Variants in HSPBAP1 observed in about 807,000 individuals in gnomAD.
HSPBAP1 encodes HSPB1-associated protein 1.
Under a neutral mutation model 45.2 loss-of-function variants are expected in HSPBAP1, and 27 were observed. The ratio of observed to expected loss-of-function variants is 0.60; its 90% confidence interval spans 0.44 to 0.82. The LOEUF is 0.82. Among genes scored for constraint, HSPBAP1 ranks in the 40% least tolerant of loss-of-function variants. HSPBAP1 has a pLI of 0.00. For synonymous variants in HSPBAP1, 204 were observed against 202.7 expected (o/e 1.01, Z -0.06); for missense variants, 510 against 590.9 (o/e 0.86, Z 1.42).
intron 1 of HSPBAP1, among the ~76,000 whole-genome samples, chr3:122,781,681 T>C (rs1383087384): frequency 6.6e-6 from 1 of 152,216 alleles, no homozygotes; most frequent in Non-Finnish European, 1.5e-5. Flanking sequence ...TGTCTGTGTG[T>C]ACTTGATGTT....
chr3:122,751,730 C>T (rs773583994), intron 6 of HSPBAP1, among the ~76,000 whole-genome samples: 1 of 152,092 alleles, frequency 6.6e-6, no homozygotes, highest in Admixed American at 6.5e-5. Flanking sequence ...ATGCTATAGG[C>T]GAAATTTCTG....
intron 6 of HSPBAP1, among the ~76,000 whole-genome samples, chr3:122,747,775 G>A (rs1356146232): frequency 3.4e-5 from 5 of 148,106 alleles, no homozygotes; most frequent in Non-Finnish European, 6.0e-5. Flanking sequence ...TCAGCCCCCC[G>A]CCCGGCCAGC....
rs917715541 is a variant in HSPBAP1, at chr3:122,755,489, T to C, written c.570-58A>G. The C allele has an allele frequency of 2.0e-5, 25 of 1,228,486 alleles. No individual in the cohort carries two copies. The African/African-American group carries it at 2.7e-4, about 13-fold the overall frequency. The allele number at this position is 1,228,486 out of a possible 1,614,324, so 76.1% of individuals were successfully genotyped here. On this transcript the variant is annotated intron_variant, in intron 4 of 7. Transcript: ENST00000306103. ...AGTACTCTGACCTTAAGACAAAACA[T>C]GGAAGAAGACAAAAGCTAAGTGTTC...
chr3:122,778,446 C>T (rs1443709898), intron 1 of HSPBAP1, among the ~76,000 whole-genome samples: 1 of 151,616 alleles, frequency 6.6e-6, no homozygotes, highest in East Asian at 1.9e-4. Flanking sequence ...AACCGTCAAG[C>T]TAGACATTTT....
intron 1 of HSPBAP1, among the ~76,000 whole-genome samples, chr3:122,783,251 C>T (rs532603004): frequency 1.3e-5 from 2 of 152,212 alleles, no homozygotes; most frequent in South Asian, 2.1e-4. Flanking sequence ...TGCTGCTTGT[C>T]GTGTTTTTCA....
chr3:122,755,197 A>ACCC lies in HSPBAP1; in HGVS notation c.741+62_741+63insGGG, dbSNP rs1934303022. Reference sequence around the variant, plus strand: ...GGGAGGGGAAGCACACAGCATAAGGACTTGAGAGAGTTACAGCTGTGGTGT... The same window carrying ACCC: ...GGGAGGGGAAGCACACAGCATAAGGACCCCTTGAGAGAGTTACAGCTGTGGTGT... On this transcript the variant is annotated intron_variant, in intron 5 of 7. Coordinates refer to ENST00000306103, the MANE Select transcript of HSPBAP1 (RefSeq NM_024610.6). 2.2e-6 allele frequency: 3 copies of ACCC among 1,358,816 alleles called. No individual in the cohort carries two copies. The African/African-American group carries it at 4.5e-5, about 20-fold the overall frequency. 84.2% of individuals were successfully genotyped at this position (1,358,816 alleles called of 1,614,324 possible). A position where few individuals can be genotyped will look rare whatever the true frequency, so the allele number is the denominator to read the frequency against.
chr3:122,784,632 AG>A (rs1219536437), intron 1 of HSPBAP1, among the ~76,000 whole-genome samples: 1 of 152,226 alleles, frequency 6.6e-6, no homozygotes, highest in Non-Finnish European at 1.5e-5. Flanking sequence ...CCTGAACAAC[AG>A]GGGTGGCAGT....
intron 1 of HSPBAP1, among the ~76,000 whole-genome samples, chr3:122,789,376 T>C (rs1560173978): frequency 6.6e-6 from 1 of 152,228 alleles, no homozygotes; most frequent in Non-Finnish European, 1.5e-5. Flanking sequence ...GTTTGAAAGA[T>C]AGAATCACAC....
intron 6 of HSPBAP1, among the ~76,000 whole-genome samples, chr3:122,746,369 G>T (rs1447399222): frequency 7.1e-6 from 1 of 140,762 alleles, no homozygotes; most frequent in South Asian, 2.2e-4. Context: ...GGCAAGAATA[G>T]CCAGAAAAAC....
intron 6 of HSPBAP1, chr3:122,741,557 A>T (rs1336097231): frequency 6.1e-6 from 1 of 164,988 alleles, no homozygotes; most frequent in Admixed American, 5.7e-5. Context: ...CGTGGCTTTA[A>T]GACAGAGTAA....
At chr3:122,787,723 C>A (rs889198142) in intron 1 of HSPBAP1, among the ~76,000 whole-genome samples, 2 of 152,018 alleles carry the variant, frequency 1.3e-5, no homozygotes, top group Non-Finnish European at 2.9e-5. Flanking sequence ...AGTTTAAAAC[C>A]TCTGGAATGG....
chr3:122,785,387 G>T (rs1314700306), intron 1 of HSPBAP1, among the ~76,000 whole-genome samples: 2 of 152,178 alleles, frequency 1.3e-5, no homozygotes, highest in African/African-American at 4.8e-5. Context: ...AGTCAGTTTA[G>T]CAAGAATTGC....
intron 2 of HSPBAP1, among the ~76,000 whole-genome samples, chr3:122,771,294 G>A (rs1159862157): frequency 6.6e-6 from 1 of 152,146 alleles, no homozygotes; most frequent in African/African-American, 2.4e-5. Flanking sequence ...GGGTAGTACA[G>A]TTGTTATTCT....
At chr3:122,741,440 C>A in intron 6 of HSPBAP1, 1 of 265,706 alleles carries the variant, frequency 3.8e-6, no homozygotes, top group Non-Finnish European at 7.3e-6. Context: ...GTACCACATA[C>A]AGAGGAATAA....
At chr3:122,780,344 A>C (rs1216046183) in intron 1 of HSPBAP1, among the ~76,000 whole-genome samples, 1 of 61,142 alleles carries the variant, frequency 1.6e-5, no homozygotes, top group Non-Finnish European at 3.2e-5. Context: ...TGACCCCCCC[A>C]CCTCCCTCCC....
intron 1 of HSPBAP1, among the ~76,000 whole-genome samples, chr3:122,781,997 A>G (rs1181605576): frequency 6.6e-6 from 1 of 152,230 alleles, no homozygotes; most frequent in Non-Finnish European, 1.5e-5. Context: ...AAGTGTTTAA[A>G]TTTTGGTAGA....
chr3:122,772,900 C>T (rs1014878353), intron 2 of HSPBAP1, among the ~76,000 whole-genome samples: 5 of 151,880 alleles, frequency 3.3e-5, no homozygotes, highest in African/African-American at 1.2e-4. Context: ...ACTCCATTGC[C>T]CAGGCTGGAG....
At position 122,779,737 on chromosome 3, in the gene HSPBAP1, T is replaced by C. The variant is rs955230923; in HGVS notation, c.65-1831A>G. On this transcript the variant is annotated intron_variant, in intron 1 of 7. Transcript: ENST00000306103. ...AACGAGCATGCTGCCTTCAAGCATC[T>C]GTTTAACAAAGCACATCTTGCACCG... 2.1e-4 allele frequency among the ~76,000 whole-genome samples: 32 copies of C among 151,328 alleles called. No homozygotes were observed. In the South Asian group the frequency reaches 4.8e-3, roughly 23 times the overall value.
chr3:122,788,922 A>G (rs1227382699), intron 1 of HSPBAP1, among the ~76,000 whole-genome samples: 1 of 152,214 alleles, frequency 6.6e-6, no homozygotes, highest in East Asian at 1.9e-4. Context: ...AATGGTTAAC[A>G]TGGTAAATTT....
Sources: gnomAD v4.1 joint callset for allele counts (sites outside exome capture counted in the v4.1 genomes callset) on GRCh38, gnomAD v4.1.1 for gene constraint, MANE v1.5 for transcripts, NCBI Gene and HGNC (gene_info 2026-07-23, HGNC 2026-07-21) for gene names.